Variants in BTN3A2 observed in about 807,000 individuals in gnomAD.
BTN3A2 encodes the protein butyrophilin subfamily 3 member A2, also known as butyrophilin protein.
Under a neutral mutation model 37.6 loss-of-function variants are expected in BTN3A2, and 25 were observed. The observed-to-expected ratio is 0.66, with a 90% CI of 0.48 to 0.93. BTN3A2 has a LOEUF of 0.93. Among genes scored for constraint, BTN3A2 ranks in the 40% least tolerant of loss-of-function variants. The pLI is 0.00. For synonymous variants in BTN3A2, 122 were observed against 159.4 expected (o/e 0.77, Z 1.77); for missense variants, 266 against 410.9 (o/e 0.65, Z 3.05).
At chr6:26,372,370 C>T (rs1430350339) in intron 5 of BTN3A2, among the ~76,000 whole-genome samples, 1 of 152,062 alleles carries the variant, frequency 6.6e-6, no homozygotes, top group Non-Finnish European at 1.5e-5. Context: ...TATCATTACC[C>T]TCATTTTACA....
Position 26,375,945 on chromosome 6 carries a change from G to A in BTN3A2, c.*183G>A, listed in dbSNP as rs1441066076. The A allele has an allele frequency of 3.0e-5, 39 of 1,314,248 alleles. No individual in the cohort carries two copies. In the East Asian group the frequency reaches 9.4e-4, roughly 32 times the overall value. 81.4% of individuals were successfully genotyped at this position (1,314,248 alleles called of 1,614,324 possible). Reference sequence around the variant, plus strand: ...TCTGAGGGCCAGCACAGCAGCTCATGCCTGTAATCCTAGCACTTTGGAAGG... The same window carrying A: ...TCTGAGGGCCAGCACAGCAGCTCATACCTGTAATCCTAGCACTTTGGAAGG... On this transcript the variant is annotated 3_prime_UTR_variant, in exon 11 of 11. Transcript: ENST00000377708.
In BTN3A2 at chr6:26,376,684, G is replaced by A; in HGVS notation, c.*922G>A. ...CATGACCTACCAGACAACCCTGAGAGATTTGAATGGCGTTACTGTGTGCTT... is the reference window on the plus strand; with the variant it reads ...CATGACCTACCAGACAACCCTGAGAAATTTGAATGGCGTTACTGTGTGCTT... On this transcript the variant is annotated 3_prime_UTR_variant, in exon 11 of 11. Coordinates refer to ENST00000377708, the MANE Select transcript of BTN3A2 (RefSeq NM_007047.5). 2 of 1,539,564 alleles carry A rather than the reference G, an allele frequency of 1.3e-6. No individual in the cohort carries two copies.
At chr6:26,372,692 G>A in intron 5 of BTN3A2, 4 of 568,232 alleles carry the variant, frequency 7.0e-6, no homozygotes, top group Non-Finnish European at 1.2e-5. Flanking sequence ...GACATCTCAA[G>A]ATAAGTAATA....
rs1026559186 is a variant in BTN3A2 at position 26,376,764 on chromosome 6, A to G, written c.*1002A>G. 1.2e-6 allele frequency: 2 copies of G among 1,608,896 alleles called. No individual in the cohort carries two copies. Among genetic ancestry groups the G allele is most frequent in the Non-Finnish European group, 1.7e-6 (2 of 1,175,354 alleles). ...CTACTGGGAGGTGGAAGTGGGGGAC[A>G]GAAAAGAGTGGCATATTGGGGTATG... On this transcript the variant is annotated 3_prime_UTR_variant, in exon 11 of 11. Coordinates refer to ENST00000377708, the MANE Select transcript of BTN3A2 (RefSeq NM_007047.5).
In BTN3A2 at chr6:26,370,366, G is replaced by A. The variant is rs775257006; in HGVS notation, c.478G>A (p.Gly160Arg). The A allele has an allele frequency of 6.2e-7, 1 of 1,614,142 alleles. No homozygotes were observed. The highest frequency in any genetic ancestry group is 8.5e-7 in the Non-Finnish European group (1 of 1,180,018). ...CGTCGAAGTGAAGGGTTATGAGGAT[G>A]GAGGGATCCATCTGGAGTGCAGGTC... is the stretch of plus-strand genomic sequence containing the variant. ...LHVEVKGYED[G>R]GIHLECRSTG... The change falls in exon 5 of 11, where the codon GGA (glycine) becomes AGA (arginine). Residue 160 changes from glycine (G) to arginine (R), a missense_variant. Around this residue, in one of 3 missense-constraint regions of BTN3A2, gnomAD observed 204 missense variants for 232.6 expected, o/e 0.88. Coordinates refer to ENST00000377708, the MANE Select transcript of BTN3A2 (RefSeq NM_007047.5).
chr6:26,376,232 A>AAAAAAAAAG lies in BTN3A2; in HGVS notation c.*474_*475insAAAAGAAAA, dbSNP rs1554126684. 9.7e-4 allele frequency: 133 copies of AAAAAAAAAG among 136,524 alleles called. No homozygotes were observed. Among genetic ancestry groups the AAAAAAAAAG allele is most frequent in the South Asian group, 1.3e-3 (7 of 5,216 alleles). 8.5% of individuals were successfully genotyped at this position (136,524 alleles called of 1,614,324 possible). ...TGTCTCAAGAAAAAAAAAAAAAAAAAAAAAGAAAAGAAAATTAACCTCTGA... is the reference window on the plus strand; with the variant it reads ...TGTCTCAAGAAAAAAAAAAAAAAAAAAAAAAAAAGAAAAGAAAAGAAAATTAACCTCTGA... On this transcript the variant is annotated 3_prime_UTR_variant, in exon 11 of 11. Coordinates refer to ENST00000377708, the MANE Select transcript of BTN3A2 (RefSeq NM_007047.5).
intron 9 of BTN3A2, 45 bp downstream of exon 9, chr6:26,374,418 C>G: frequency 6.4e-7 from 1 of 1,551,238 alleles, no homozygotes; most frequent in Non-Finnish European, 8.9e-7. Context: ...AACTTTTTCT[C>G]CACTGTGACC....
rs570507609 is a variant in BTN3A2, at chr6:26,368,196, G to A, written c.14G>A (p.Ser5Asn). 9 of 1,614,196 alleles carry A rather than the reference G, an allele frequency of 5.6e-6. No homozygotes were observed. The highest frequency in any genetic ancestry group is 4.5e-5 in the East Asian group (2 of 44,880). Reference protein sequence around the residue: MKMASSLAFLLLNFH... With the variant: MKMANSLAFLLLNFH... Reference sequence around the variant, plus strand: ...TATGCAGCATAGATGAAAATGGCAAGTTCCCTGGCTTTCCTTCTGCTCAAC... The same window carrying A: ...TATGCAGCATAGATGAAAATGGCAAATTCCCTGGCTTTCCTTCTGCTCAAC... The change falls in exon 3 of 11, where the codon AGT (serine) becomes AAT (asparagine). Residue 5 changes from serine to asparagine, a missense_variant. This residue lies in a region of BTN3A2 where 47 missense variants were observed against 77.3 expected (regional missense o/e 0.61). Coordinates refer to ENST00000377708, the MANE Select transcript of BTN3A2 (RefSeq NM_007047.5).
chr6:26,372,595 T>C (rs1019286885), intron 5 of BTN3A2: 10 of 327,266 alleles, frequency 3.1e-5, no homozygotes, highest in Non-Finnish European at 4.6e-5. Context: ...TATGTAGTTT[T>C]GAACGATGTA....
chr6:26,375,336 G>A (rs757889543), intron 10 of BTN3A2: 18 of 354,334 alleles, frequency 5.1e-5, no homozygotes, highest in Non-Finnish European at 6.8e-5. Context: ...CCCTAGCCTG[G>A]GAGGGCTAAA....
chr6:26,365,184 T>C (rs1761930165), upstream of BTN3A2: 12 of 976,606 alleles, frequency 1.2e-5, no homozygotes, highest in East Asian at 3.2e-4. Context: ...AAAAAACTAA[T>C]TCTTCCAAAG....
rs1400300482 is a variant in BTN3A2 at position 26,373,110 on chromosome 6, A to G, written c.916+13A>G. On this transcript the variant is annotated intron_variant, in intron 6 of 10. Transcript: ENST00000377708. ...ATAAGCCTAAGAGGTATCCAACGCA[A>G]GCAGAGAATCTAAGCTCTTGGCTTG... The G allele has an allele frequency of 6.2e-7, 1 of 1,612,874 alleles. No homozygotes were observed.
rs1760727847 is a variant in BTN3A2, at chr6:26,376,561, A to G, written c.*799A>G. On this transcript the variant is annotated 3_prime_UTR_variant, in exon 11 of 11. Coordinates refer to ENST00000377708, the MANE Select transcript of BTN3A2 (RefSeq NM_007047.5). ...GGCTGACCCCATGGACACCTCCTCA[A>G]ACTCTCTGCAGCAGATGTAATTCTG... is the stretch of plus-strand genomic sequence containing the variant. The G allele has an allele frequency of 4.3e-6, 6 of 1,385,486 alleles. No homozygotes were observed. The highest frequency in any genetic ancestry group is 2.2e-5 in the Admixed American group (1 of 46,116). 85.8% of individuals were successfully genotyped at this position (1,385,486 alleles called of 1,614,324 possible).
At position 26,368,702 on chromosome 6, in the gene BTN3A2, G is replaced by C. The variant is rs1759785103; in HGVS notation, c.223G>C (p.Val75Leu). 6.2e-7 allele frequency: 1 copy of C among 1,613,922 alleles called. No homozygotes were observed. Residue 75 changes from valine to leucine, a missense_variant, in exon 4 of 11, where the codon GTG (valine) becomes CTG (leucine). Physicochemically the swap from Val to Leu is conservative, Grantham distance 32. This residue lies in a region of BTN3A2 where 15 missense variants were observed against 101.0 expected (regional missense o/e 0.15). Transcript: ENST00000377708. ...GTGGGTAAGTTCCAGCCTAAGGCAG[G>C]TGGTGAACGTGTATGCAGATGGAAA... ...LKWVSSSLRQ[V>L]VNVYADGKEV...
At chr6:26,371,376 T>C (rs1298803355) in intron 5 of BTN3A2, among the ~76,000 whole-genome samples, 1 of 152,228 alleles carries the variant, frequency 6.6e-6, no homozygotes, top group Admixed American at 6.5e-5. Context: ...TCATTCTCAC[T>C]CACTGGGTAA....
Position 26,368,191 on chromosome 6 carries a change from G to T in BTN3A2, c.9G>T (p.Met3Ile), listed in dbSNP as rs1759705816. Reference protein sequence around the residue: MKMASSLAFLLLN... With the variant: MKIASSLAFLLLN... ...CTTGATATGCAGCATAGATGAAAAT[G>T]GCAAGTTCCCTGGCTTTCCTTCTGC... The change falls in exon 3 of 11, where the codon ATG becomes ATT. Residue 3 changes from methionine (M) to isoleucine (I), a missense_variant. Met to Ile is a conservative substitution (Grantham distance 10). Coordinates refer to ENST00000377708, the MANE Select transcript of BTN3A2 (RefSeq NM_007047.5). 1 of 1,614,038 alleles carries T rather than the reference G, an allele frequency of 6.2e-7. No individual in the cohort carries two copies. The highest frequency in any genetic ancestry group is 8.5e-7 in the Non-Finnish European group (1 of 1,180,038).
Position 26,368,598 on chromosome 6 carries a change from T to C in BTN3A2, c.119T>C (p.Ile40Thr), listed in dbSNP as rs774421990. ...QFSVLGPSGP[I>T]LAMVGEDADL... Reference sequence around the variant, plus strand: ...TCTGTGCTTGGACCCTCTGGGCCCATCCTGGCCATGGTGGGTGAAGACGCT... The same window carrying C: ...TCTGTGCTTGGACCCTCTGGGCCCACCCTGGCCATGGTGGGTGAAGACGCT... The change falls in exon 4 of 11, where the codon ATC becomes ACC. Residue 40 changes from isoleucine (I) to threonine (T), a missense_variant. Transcript: ENST00000377708. 3.1e-6 allele frequency: 5 copies of C among 1,614,000 alleles called. No individual in the cohort carries two copies. In the East Asian group the frequency reaches 8.9e-5, roughly 29 times the overall value.
At chr6:26,373,360 G>C in intron 7 of BTN3A2, 27 bp from the exon 8 acceptor site, 1 of 1,599,574 alleles carries the variant, frequency 6.3e-7, no homozygotes, top group African/African-American at 1.4e-5. Flanking sequence ...GCACCTTGAT[G>C]ACTCTTCCCT....
At chr6:26,373,590 A>G in intron 8 of BTN3A2, 177 bp downstream of exon 8, 2 of 244,614 alleles carry the variant, frequency 8.2e-6, no homozygotes, top group East Asian at 6.1e-5. Flanking sequence ...TCTCTCTAGA[A>G]AAAAAAAAAA....
Sources: allele counts gnomAD v4.1 joint callset (sites outside exome capture counted in the v4.1 genomes callset), GRCh38; gene constraint gnomAD v4.1.1; regional missense constraint gnomAD v4.1.1; transcripts MANE v1.5; gene names NCBI Gene and HGNC (gene_info 2026-07-23, HGNC 2026-07-21).